RFX8: variants seen among roughly 807,000 people sequenced by gnomAD.
RFX8 encodes DNA-binding protein RFX8.
In RFX8, 46 loss-of-function variants were observed where a neutral mutation model predicts 54.6. The ratio of observed to expected loss-of-function variants is 0.84; its 90% confidence interval spans 0.67 to 1.08. The LOEUF (loss-of-function observed/expected upper bound fraction) is 1.08. RFX8 is among the 50% of genes least tolerant of loss of function. The pLI is 0.00. For synonymous variants in RFX8, 192 were observed against 209.5 expected (o/e 0.92, Z 0.72); for missense variants, 536 against 562.3 (o/e 0.95, Z 0.47).
intron 1 of RFX8, among the ~76,000 whole-genome samples, chr2:101,472,016 T>C (rs868122594): frequency 6.6e-6 from 1 of 152,060 alleles, no homozygotes. Flanking sequence ...TCCTCCAGCA[T>C]TGGTAACACC....
chr2:101,471,277 T>G (rs1689972866), intron 1 of RFX8, among the ~76,000 whole-genome samples: 1 of 151,962 alleles, frequency 6.6e-6, no homozygotes, highest in African/African-American at 2.4e-5. Flanking sequence ...GAGGTTGCAG[T>G]GAGCCGAGAT....
At chr2:101,413,161 TG>T in intron 7 of RFX8, 90 bp from the exon 8 acceptor site, 1 of 1,039,294 alleles carries the variant, frequency 9.6e-7, no homozygotes, top group East Asian at 2.6e-5. Context: ...ATTTTTGTTG[TG>T]GGGGAGAAAG....
At position 101,413,080 on chromosome 2, in the gene RFX8, A is replaced by G. The variant is rs1170805645; in HGVS notation, c.562-9T>C. The G allele has an allele frequency of 1.9e-6, 3 of 1,549,554 alleles. No homozygotes were observed. Among genetic ancestry groups the G allele is most frequent in the Non-Finnish European group, 2.6e-6 (3 of 1,146,144 alleles). On this transcript the variant is annotated splice_polypyrimidine_tract_variant and intron_variant, in intron 7 of 11. Coordinates refer to ENST00000428343, the MANE Select transcript of RFX8 (RefSeq NM_001145664.2). ...AATACCATTCGCATAGTCTAAAGAT[A>G]ACAGGGAGGCATAATACTTAATTCA...
chr2:101,414,228 G>A (rs985472434), intron 7 of RFX8, among the ~76,000 whole-genome samples: 2 of 152,110 alleles, frequency 1.3e-5, no homozygotes, highest in South Asian at 4.1e-4. Flanking sequence ...CTCTGACACT[G>A]GCACCTCTGT....
chr2:101,445,835 T>C (rs917570566), intron 2 of RFX8, among the ~76,000 whole-genome samples: 7 of 152,186 alleles, frequency 4.6e-5, no homozygotes, highest in African/African-American at 1.7e-4. Flanking sequence ...GCCTGACTTA[T>C]TGTAGGAACT....
chr2:101,452,808 T>C (rs1688757817), intron 2 of RFX8, among the ~76,000 whole-genome samples: 1 of 151,138 alleles, frequency 6.6e-6, no homozygotes, highest in African/African-American at 2.4e-5. Context: ...CAACCTGGTC[T>C]CTACTACAAA....
chr2:101,462,123 T>C (rs1213223773), intron 2 of RFX8, among the ~76,000 whole-genome samples: 1 of 152,120 alleles, frequency 6.6e-6, no homozygotes, highest in Non-Finnish European at 1.5e-5. Flanking sequence ...CAACCTATAT[T>C]TCCAATAAGG....
intron 2 of RFX8, among the ~76,000 whole-genome samples, chr2:101,437,352 C>G (rs1438514056): frequency 2.0e-5 from 3 of 152,052 alleles, no homozygotes; most frequent in Admixed American, 2.0e-4. Flanking sequence ...GCAGGAGGAT[C>G]CCTTGAGGCC....
intron 2 of RFX8, among the ~76,000 whole-genome samples, chr2:101,435,893 G>A (rs913454603): frequency 6.6e-6 from 1 of 152,166 alleles, no homozygotes; most frequent in African/African-American, 2.4e-5. Context: ...TCTCCTTGGT[G>A]AGGACGGATG....
chr2:101,469,105 TAA>T (rs1271351973), intron 1 of RFX8, among the ~76,000 whole-genome samples: 8 of 22,116 alleles, frequency 3.6e-4, no homozygotes, highest in South Asian at 3.1e-3. Flanking sequence ...TATATATATA[TAA>T]GTGTATATAT....
chr2:101,468,524 G>A (rs1191294363), intron 1 of RFX8, among the ~76,000 whole-genome samples: 2 of 151,794 alleles, frequency 1.3e-5, no homozygotes, highest in African/African-American at 2.4e-5. Context: ...TCCTGGGCTC[G>A]AGCGCTCCAC....
chr2:101,436,927 G>C (rs1262801763), intron 2 of RFX8, among the ~76,000 whole-genome samples: 1 of 152,164 alleles, frequency 6.6e-6, no homozygotes, highest in Non-Finnish European at 1.5e-5. Context: ...TGCTTTGAAA[G>C]AAAGGAAGGA....
At chr2:101,466,984 G>A in intron 1 of RFX8, 84 bp from the exon 2 acceptor site, 1 of 669,072 alleles carries the variant, frequency 1.5e-6, no homozygotes, top group South Asian at 1.6e-5. Context: ...TGGTCAAGAT[G>A]TGTATGAGGT....
chr2:101,423,375 C>A (rs932971460), intron 2 of RFX8, among the ~76,000 whole-genome samples: 5 of 152,106 alleles, frequency 3.3e-5, no homozygotes, highest in Non-Finnish European at 7.4e-5. Flanking sequence ...GCTGCTGTCC[C>A]CTCTGGGCAT....
chr2:101,433,317 G>T (rs1687596557), intron 2 of RFX8, among the ~76,000 whole-genome samples: 1 of 152,064 alleles, frequency 6.6e-6, no homozygotes, highest in East Asian at 1.9e-4. Flanking sequence ...GGTTCCTTCT[G>T]GGCTTCATGC....
chr2:101,410,730 TA>T lies in RFX8; in HGVS notation c.719-18del. 1 of 1,338,612 alleles carries T rather than the reference TA, an allele frequency of 7.5e-7. No individual in the cohort carries two copies. The highest frequency in any genetic ancestry group is 1.0e-6 in the Non-Finnish European group (1 of 957,528). 82.9% of individuals were successfully genotyped at this position (1,338,612 alleles called of 1,614,324 possible). A position where few individuals can be genotyped will look rare whatever the true frequency, so the allele number is the denominator to read the frequency against. On this transcript the variant is annotated intron_variant, in intron 8 of 11. Coordinates refer to ENST00000428343, the MANE Select transcript of RFX8 (RefSeq NM_001145664.2). ...TTCTTAAACCTACAAAGACACAAAA[TA>T]AACAAACAAAAGATTGCATGCAGCA...
intron 2 of RFX8, among the ~76,000 whole-genome samples, chr2:101,431,538 A>T (rs1687489905): frequency 6.6e-6 from 1 of 152,218 alleles, no homozygotes; most frequent in South Asian, 2.1e-4. Context: ...GAATGGTGAC[A>T]TTGATCCTCA....
At chr2:101,402,950 A>G (rs1685534566) in intron 10 of RFX8, among the ~76,000 whole-genome samples, 198 bp from the exon 11 acceptor site, 1 of 152,218 alleles carries the variant, frequency 6.6e-6, no homozygotes, top group African/African-American at 2.4e-5. Flanking sequence ...GCTTTTGGAC[A>G]GAAAGGACCA....
At chr2:101,430,165 T>C (rs937415836) in intron 2 of RFX8, among the ~76,000 whole-genome samples, 4 of 152,204 alleles carry the variant, frequency 2.6e-5, no homozygotes, top group African/African-American at 7.2e-5. Flanking sequence ...CCTCAGACTT[T>C]CCAGTGGCTG....
Sources: allele counts gnomAD v4.1 joint callset (sites outside exome capture counted in the v4.1 genomes callset), GRCh38; gene constraint gnomAD v4.1.1; transcripts MANE v1.5; gene names NCBI Gene and HGNC (gene_info 2026-07-23, HGNC 2026-07-21).